Variants in GPR158 observed in about 807,000 individuals in gnomAD.
GPR158 encodes metabotropic glycine receptor.
Under a neutral mutation model 78.2 loss-of-function variants are expected in GPR158, and 30 were observed. The ratio of observed to expected loss-of-function variants is 0.38; its 90% CI spans 0.29 to 0.52. The LOEUF is 0.52. GPR158 is among the 20% of genes least tolerant of loss of function. The pLI is 0.83. For synonymous variants in GPR158, 581 were observed against 591.1 expected, an observed-to-expected ratio of 0.98 and a Z score of 0.25; for missense variants, 1,463 against 1,523.5, an observed-to-expected ratio of 0.96 and a Z score of 0.66.
At chr10:25,353,363 C>A (rs959925973) in intron 2 of GPR158, among the ~76,000 whole-genome samples, 3 of 151,890 alleles carry the variant, frequency 2.0e-5, no homozygotes, top group Non-Finnish European at 4.4e-5. Context: ...AAAATGGAGG[C>A]CAAGTTTTCT....
At chr10:25,422,850 A>ACCCCCCCCCCCCCC (rs11424448) in intron 4 of GPR158, among the ~76,000 whole-genome samples, 1 of 130,270 alleles carries the variant, frequency 7.7e-6, no homozygotes, top group Non-Finnish European at 1.6e-5. Flanking sequence ...TTATTCCCTT[A>ACCCCCCCCCCCCCC]CCCCCCCCAC....
intron 1 of GPR158, among the ~76,000 whole-genome samples, chr10:25,177,520 A>G (rs1852555101): frequency 6.6e-6 from 1 of 152,200 alleles, no homozygotes; most frequent in African/African-American, 2.4e-5. Flanking sequence ...CAGGATGCTG[A>G]CCTGCTGAAA....
chr10:25,540,505 T>C (rs1024604722), intron 5 of GPR158, among the ~76,000 whole-genome samples: 45 of 152,052 alleles, frequency 3.0e-4, no homozygotes, highest in Non-Finnish European at 4.9e-4. Flanking sequence ...ATGTTTATTG[T>C]GGCACTATTC....
intron 2 of GPR158, among the ~76,000 whole-genome samples, chr10:25,222,215 A>G (rs1276921435): frequency 6.6e-6 from 1 of 151,788 alleles, no homozygotes; most frequent in East Asian, 1.9e-4. Context: ...CTGTACTCCC[A>G]CACTCCCAAC....
intron 2 of GPR158, among the ~76,000 whole-genome samples, chr10:25,300,342 A>G (rs1430823512): frequency 2.0e-5 from 3 of 152,128 alleles, no homozygotes; most frequent in African/African-American, 7.2e-5. Context: ...TTCCATAGTC[A>G]TCTCCAGTTG....
intron 2 of GPR158, among the ~76,000 whole-genome samples, chr10:25,287,912 T>A (rs144182215): frequency 1.1e-4 from 17 of 152,202 alleles, no homozygotes; most frequent in African/African-American, 4.1e-4. Context: ...AGTGGGAGAA[T>A]ATGAAAATGT....
chr10:25,233,913 T>C (rs1261002718), intron 2 of GPR158, among the ~76,000 whole-genome samples: 2 of 152,242 alleles, frequency 1.3e-5, no homozygotes, highest in African/African-American at 2.4e-5. Flanking sequence ...TCTTGCTAAA[T>C]ATTTTTTATT....
chr10:25,541,170 G>T (rs1005635532), intron 5 of GPR158, among the ~76,000 whole-genome samples: 1 of 151,712 alleles, frequency 6.6e-6, no homozygotes, highest in Non-Finnish European at 1.5e-5. Context: ...ACTAATGAGT[G>T]TAAAATAATA....
chr10:25,525,155 T>G (rs1482754211), intron 5 of GPR158, among the ~76,000 whole-genome samples: 1 of 152,068 alleles, frequency 6.6e-6, no homozygotes, highest in African/African-American at 2.4e-5. Context: ...GGTAGAGAAA[T>G]TGGAAACATC....
At chr10:25,310,231 G>A (rs574054653) in intron 2 of GPR158, among the ~76,000 whole-genome samples, 15 of 152,188 alleles carry the variant, frequency 9.9e-5, no homozygotes, top group Admixed American at 4.6e-4. Context: ...TCATATCTGC[G>A]CTCTCTGTTC....
At chr10:25,271,075 G>A (rs561605067) in intron 2 of GPR158, among the ~76,000 whole-genome samples, 1 of 152,248 alleles carries the variant, frequency 6.6e-6, no homozygotes, top group East Asian at 1.9e-4. Context: ...GTTCCGAGCT[G>A]CCTCCCACCT....
intron 4 of GPR158, among the ~76,000 whole-genome samples, chr10:25,454,081 T>C (rs1446608529): frequency 6.6e-6 from 1 of 152,214 alleles, no homozygotes; most frequent in African/African-American, 2.4e-5. Flanking sequence ...TCACATTAAT[T>C]TGTGTTTTAA....
intron 6 of GPR158, among the ~76,000 whole-genome samples, chr10:25,559,440 T>C (rs929697534): frequency 1.3e-4 from 20 of 152,204 alleles, no homozygotes; most frequent in African/African-American, 4.6e-4. Context: ...CAAGAGCTTT[T>C]TAAAAGCTGG....
chr10:25,573,967 G>A (rs1211257988), intron 7 of GPR158, among the ~76,000 whole-genome samples: 1 of 151,338 alleles, frequency 6.6e-6, no homozygotes, highest in Non-Finnish European at 1.5e-5. Context: ...CAGCACTAAG[G>A]TAGGAAGCGA....
intron 2 of GPR158, among the ~76,000 whole-genome samples, chr10:25,250,392 T>C (rs1416690465): frequency 6.9e-6 from 1 of 144,572 alleles, no homozygotes; most frequent in Non-Finnish European, 1.5e-5. Context: ...CTAGTTCTTT[T>C]AATTGTGATG....
At chr10:25,253,970 C>G (rs1853852860) in intron 2 of GPR158, among the ~76,000 whole-genome samples, 1 of 152,204 alleles carries the variant, frequency 6.6e-6, no homozygotes, top group South Asian at 2.1e-4. Flanking sequence ...CTGTCTCAGT[C>G]TAACATAATT....
chr10:25,544,922 T>C (rs1836642204), intron 5 of GPR158, among the ~76,000 whole-genome samples: 1 of 152,206 alleles, frequency 6.6e-6, no homozygotes, highest in African/African-American at 2.4e-5. Flanking sequence ...GTGTTCTCAC[T>C]GTTCAACTCT....
At chr10:25,440,655 T>C (rs973712738) in intron 4 of GPR158, among the ~76,000 whole-genome samples, 19 of 152,352 alleles carry the variant, frequency 1.2e-4, no homozygotes, top group African/African-American at 4.6e-4. Context: ...AATCGCAAAG[T>C]GAAATCTCTT....
intron 5 of GPR158, among the ~76,000 whole-genome samples, chr10:25,548,622 C>T (rs1265016543): frequency 6.6e-6 from 1 of 152,120 alleles, no homozygotes; most frequent in East Asian, 1.9e-4. Flanking sequence ...GGAAGCCCCA[C>T]AACTAAGAAA....
Sources: gnomAD v4.1 joint callset for allele counts (sites outside exome capture counted in the v4.1 genomes callset) on GRCh38, gnomAD v4.1.1 for gene constraint, MANE v1.5 for transcripts, NCBI Gene and HGNC (gene_info 2026-07-23, HGNC 2026-07-21) for gene names.